The following DAB1 variants were observed in gnomAD, a reference collection of about 807,000 sequenced individuals.
DAB1 encodes the protein disabled homolog 1.
A neutral mutation model predicts 64.6 loss-of-function variants in DAB1; 15 were observed. The ratio of observed to expected loss-of-function variants is 0.23; its 90% CI spans 0.16 to 0.36. DAB1 has a LOEUF of 0.36. Ranked by LOEUF, DAB1 falls within the 10% of genes least tolerant of loss-of-function variation. The pLI is 1.00. For synonymous variants in DAB1, 235 were observed against 251.9 expected (o/e 0.93, Z 0.64); for missense variants, 596 against 706.7 (o/e 0.84, Z 1.78).
chr1:57,598,799 C>T (rs897753592), intron 7 of DAB1, among the ~76,000 whole-genome samples: 1 of 152,156 alleles, frequency 6.6e-6, no homozygotes, highest in Non-Finnish European at 1.5e-5. Context: ...CCAGTTGGTG[C>T]AGGACACTGC....
upstream of DAB1, among the ~76,000 whole-genome samples, chr1:57,884,911 G>C (rs1216688672): frequency 6.6e-6 from 1 of 152,148 alleles, no homozygotes; most frequent in African/African-American, 2.4e-5. Flanking sequence ...TTCCTCTCTA[G>C]CTGTGTGATC....
chr1:57,294,980 G>A (rs1271897360), intron 1 of DAB1, among the ~76,000 whole-genome samples: 2 of 152,138 alleles, frequency 1.3e-5, no homozygotes, highest in Non-Finnish European at 2.9e-5. Context: ...GACAAAATAT[G>A]TTGCATACTG....
intron 4 of DAB1, among the ~76,000 whole-genome samples, chr1:57,077,940 G>C (rs915404659): frequency 1.3e-5 from 2 of 152,058 alleles, no homozygotes; most frequent in African/African-American, 4.8e-5. Flanking sequence ...CAAAAAAGCA[G>C]AAAAGCAGAG....
chr1:58,003,942 AG>A (rs1217028065), intron 5 of DAB1, among the ~76,000 whole-genome samples: 2 of 152,166 alleles, frequency 1.3e-5, no homozygotes, highest in Non-Finnish European at 2.9e-5. Flanking sequence ...CAGGACGGGA[AG>A]TGGGGGTCAG....
chr1:57,776,574 T>C (rs1280288354), intron 6 of DAB1, among the ~76,000 whole-genome samples: 2 of 151,830 alleles, frequency 1.3e-5, no homozygotes, highest in Non-Finnish European at 3.0e-5. Context: ...TCTCCACAAT[T>C]GCCTTATTAG....
Position 57,760,389 on chromosome 1 carries a change from CA to C in DAB1, n.552-110725del, listed in dbSNP as rs200516954. On this transcript the variant is annotated intron_variant and non_coding_transcript_variant, in intron 6 of 20. Transcript: ENST00000485760. ...AAAAGCTGTCAAATAAAATATAAAG[CA>C]TTTTTTTTACTACTATCATTTTTGA... 4.4e-3 allele frequency among the ~76,000 whole-genome samples: 674 copies of C among 152,100 alleles called. 1 individual carries two copies. Among genetic ancestry groups the C allele is most frequent in the East Asian group, 0.015 (76 of 5,178 alleles).
intron 5 of DAB1, among the ~76,000 whole-genome samples, chr1:57,984,590 G>A (rs980700651): frequency 6.6e-6 from 1 of 152,150 alleles, no homozygotes; most frequent in Non-Finnish European, 1.5e-5. Flanking sequence ...AGAATTTGGA[G>A]GCAAGTTACT....
chr1:57,198,351 A>C (rs1378435475), intron 2 of DAB1, among the ~76,000 whole-genome samples: 1 of 152,186 alleles, frequency 6.6e-6, no homozygotes, highest in East Asian at 1.9e-4. Context: ...ACATAGTCCT[A>C]GAGCAGGAGA....
intron 7 of DAB1, among the ~76,000 whole-genome samples, chr1:57,598,006 G>A (rs984573077): frequency 9.0e-4 from 137 of 151,762 alleles, no homozygotes; most frequent in African/African-American, 2.9e-3. Flanking sequence ...ATTTTGAGAC[G>A]GAGTCTCGCT....
chr1:57,758,020 T>A (rs2101813288), intron 6 of DAB1, among the ~76,000 whole-genome samples: 1 of 152,292 alleles, frequency 6.6e-6, no homozygotes, highest in East Asian at 1.9e-4. Context: ...TCTTTCAGTG[T>A]TGCCCAGGTT....
rs1286434313 is a variant in DAB1 at position 57,025,971 on chromosome 1, G to T, written c.786+10C>A. 6.4e-7 allele frequency: 1 copy of T among 1,569,252 alleles called. No homozygotes were observed. On this transcript the variant is annotated intron_variant, in intron 10 of 14. Transcript: ENST00000371236. ...CAGAGAGCAGGGTTCAGAGAGCAAT[G>T]CATACTTACGGGGGGAGAGGTTATA... is the stretch of plus-strand genomic sequence containing the variant.
chr1:57,330,503 C>A (rs1209123388), intron 1 of DAB1, among the ~76,000 whole-genome samples: 2 of 152,088 alleles, frequency 1.3e-5, no homozygotes, highest in African/African-American at 4.8e-5. Flanking sequence ...TCCTCACCTG[C>A]AAGAGGGAGA....
chr1:57,188,006 G>T (rs1472125593), intron 2 of DAB1, among the ~76,000 whole-genome samples: 1 of 152,152 alleles, frequency 6.6e-6, no homozygotes, highest in East Asian at 1.9e-4. Context: ...GCTCATGCAG[G>T]CAGGCACTAG....
At chr1:57,831,059 G>A (rs530400179) in intron 1 of DAB1, among the ~76,000 whole-genome samples, 47 of 152,178 alleles carry the variant, frequency 3.1e-4, no homozygotes, top group African/African-American at 9.2e-4. Context: ...GACTACAGGC[G>A]CCCGCCACCA....
At chr1:57,656,886 T>C (rs952300485) in intron 6 of DAB1, among the ~76,000 whole-genome samples, 2 of 152,220 alleles carry the variant, frequency 1.3e-5, no homozygotes, top group African/African-American at 4.8e-5. Context: ...TCCTTTAAAA[T>C]GGGAGTGTAT....
At chr1:57,792,170 A>C (rs993039906) in intron 6 of DAB1, among the ~76,000 whole-genome samples, 2 of 152,088 alleles carry the variant, frequency 1.3e-5, no homozygotes, top group African/African-American at 4.8e-5. Flanking sequence ...TGCTATTCTC[A>C]TCTTGACATC....
At chr1:58,326,380 A>G (rs1662825378) in intron 4 of DAB1, among the ~76,000 whole-genome samples, 1 of 152,134 alleles carries the variant, frequency 6.6e-6, no homozygotes, top group South Asian at 2.1e-4. Context: ...AGTGCAGGAG[A>G]GGAATTATCC....
chr1:58,545,106 G>C (rs546670880), intron 1 of DAB1, among the ~76,000 whole-genome samples: 1 of 152,080 alleles, frequency 6.6e-6, no homozygotes, highest in African/African-American at 2.4e-5. Flanking sequence ...ACTTCTCCAG[G>C]CACCTTCCCC....
intron 7 of DAB1, among the ~76,000 whole-genome samples, chr1:57,482,370 A>C (rs1196667688): frequency 6.6e-6 from 1 of 151,912 alleles, no homozygotes; most frequent in Non-Finnish European, 1.5e-5. Flanking sequence ...AAAATGAAGA[A>C]TCATCAAATA....
Sources: gnomAD v4.1 joint callset for allele counts (sites outside exome capture counted in the v4.1 genomes callset) on GRCh38, gnomAD v4.1.1 for gene constraint, MANE v1.5 for transcripts, NCBI Gene and HGNC (gene_info 2026-07-23, HGNC 2026-07-21) for gene names.